XKR4: variants seen among roughly 807,000 people sequenced by gnomAD.
XKR4 encodes the protein XK related 4.
In XKR4, 12 loss-of-function variants were observed where a neutral mutation model predicts 53.9. That is an observed-to-expected ratio of 0.22 (90% CI 0.14 to 0.36). XKR4 has a LOEUF of 0.36. Among genes scored for constraint, XKR4 ranks in the 10% least tolerant of loss-of-function variants. The probability of loss-of-function intolerance (pLI) is 1.00; values close to 1 mark genes in which losing one functional copy is unlikely to be tolerated. For synonymous variants in XKR4, 354 were observed against 362.4 expected (o/e 0.98, Z 0.26); for missense variants, 799 against 859.5 (o/e 0.93, Z 0.88).
intron 2 of XKR4, among the ~76,000 whole-genome samples, chr8:55,413,201 A>G (rs896851971): frequency 6.6e-6 from 1 of 152,180 alleles, no homozygotes; most frequent in African/African-American, 2.4e-5. Context: ...TATTGATCCT[A>G]CGACAGACAT....
chr8:55,102,149 T>TGGCGGC lies in XKR4; in HGVS notation c.-330_-325dup, dbSNP rs989670686. On this transcript the variant is annotated 5_prime_UTR_variant, in exon 1 of 3. Coordinates refer to ENST00000327381, the MANE Select transcript of XKR4 (RefSeq NM_052898.2). The surrounding 1 kb of genome is among the most constrained non-coding windows in gnomAD (Gnocchi z 5.1). ...CGGCGGCCGCTGCTGCTCCTGCTGC[T>TGGCGGC]GGCGGCGGCGGCGGCTCGGGCGGCA... is the stretch of plus-strand genomic sequence containing the variant. 2.1e-5 allele frequency among the ~76,000 whole-genome samples: 3 copies of TGGCGGC among 145,482 alleles called. No homozygotes were observed. Among genetic ancestry groups the TGGCGGC allele is most frequent in the Admixed American group, 6.8e-5 (1 of 14,614 alleles).
At chr8:55,488,640 A>G (rs1806227526) in intron 2 of XKR4, among the ~76,000 whole-genome samples, 1 of 152,020 alleles carries the variant, frequency 6.6e-6, no homozygotes, top group African/African-American at 2.4e-5. Context: ...GAATGGAGAG[A>G]ATAAAAAGAC....
At chr8:55,490,491 G>T (rs540048205) in intron 2 of XKR4, among the ~76,000 whole-genome samples, 1 of 152,210 alleles carries the variant, frequency 6.6e-6, no homozygotes, top group African/African-American at 2.4e-5. Context: ...AGGATCAATT[G>T]TACCCCGAAA....
chr8:55,275,630 G>T (rs540930948), intron 1 of XKR4, among the ~76,000 whole-genome samples: 10 of 152,100 alleles, frequency 6.6e-5, no homozygotes, highest in Non-Finnish European at 1.3e-4. Context: ...CTGCAACATT[G>T]ATATTTTGCC....
At chr8:55,114,747 G>A (rs1048248609) in intron 1 of XKR4, among the ~76,000 whole-genome samples, 2 of 152,242 alleles carry the variant, frequency 1.3e-5, no homozygotes, top group Admixed American at 6.5e-5. Flanking sequence ...ACTCAGGGAC[G>A]TCAACTGCCT....
intron 1 of XKR4, among the ~76,000 whole-genome samples, chr8:55,111,930 A>G (rs1021650010): frequency 6.6e-6 from 1 of 152,332 alleles, no homozygotes; most frequent in Admixed American, 6.5e-5. Context: ...AAACAAAGAT[A>G]TGACATCCAG....
chr8:55,305,197 G>A (rs1297368538), intron 1 of XKR4, among the ~76,000 whole-genome samples: 1 of 152,102 alleles, frequency 6.6e-6, no homozygotes, highest in South Asian at 2.1e-4. Flanking sequence ...TCAATTCCTT[G>A]CAACACTACA....
intron 2 of XKR4, among the ~76,000 whole-genome samples, chr8:55,388,041 T>C (rs563243035): frequency 1.3e-5 from 2 of 152,330 alleles, no homozygotes; most frequent in East Asian, 3.9e-4. Context: ...TAACAGTAAT[T>C]TTTTAAAAAA....
At chr8:55,129,419 GTTACAGTTACATTTCAGTT>G (rs980284995) in intron 1 of XKR4, among the ~76,000 whole-genome samples, 1 of 152,194 alleles carries the variant, frequency 6.6e-6, no homozygotes, top group African/African-American at 2.4e-5. Context: ...GAGAGGTGGG[GTTACAGTTACATTTCAGTT>G]TTACAAACCA....
At chr8:55,407,317 C>T (rs1021086790) in intron 2 of XKR4, among the ~76,000 whole-genome samples, 1 of 152,188 alleles carries the variant, frequency 6.6e-6, no homozygotes, top group Non-Finnish European at 1.5e-5. Flanking sequence ...CGCACTGCTT[C>T]CCAGGAATCA....
chr8:55,109,272 A>G (rs1372130349), intron 1 of XKR4, among the ~76,000 whole-genome samples: 1 of 152,178 alleles, frequency 6.6e-6, no homozygotes, highest in African/African-American at 2.4e-5. Context: ...GTACCAGAAG[A>G]TCATCTTCCA....
intron 1 of XKR4, among the ~76,000 whole-genome samples, chr8:55,235,012 A>C (rs977679680): frequency 1.3e-5 from 2 of 152,234 alleles, no homozygotes; most frequent in Non-Finnish European, 2.9e-5. Flanking sequence ...GCTTGAAACA[A>C]TAACAACTTA....
intron 2 of XKR4, among the ~76,000 whole-genome samples, chr8:55,434,791 CA>C (rs954039376): frequency 2.0e-5 from 3 of 152,148 alleles, no homozygotes; most frequent in Non-Finnish European, 2.9e-5. Context: ...CAATTTACTT[CA>C]GAGCTCCTTC....
chr8:55,480,902 T>C (rs1806091004), intron 2 of XKR4, among the ~76,000 whole-genome samples: 1 of 152,008 alleles, frequency 6.6e-6, no homozygotes, highest in Non-Finnish European at 1.5e-5. Flanking sequence ...TAAAAGAGGA[T>C]ACAAAGAAAT....
chr8:55,270,008 T>A (rs189249359), intron 1 of XKR4, among the ~76,000 whole-genome samples: 1 of 152,336 alleles, frequency 6.6e-6, no homozygotes, highest in Admixed American at 6.5e-5. Context: ...GGCATTGCTG[T>A]CAAAATCCTT....
At chr8:55,244,047 T>C (rs1818249119) in intron 1 of XKR4, among the ~76,000 whole-genome samples, 1 of 152,246 alleles carries the variant, frequency 6.6e-6, no homozygotes. Context: ...TTTTTCTTCT[T>C]TGAGTATTTT....
At chr8:55,188,795 C>T (rs1817409795) in intron 1 of XKR4, among the ~76,000 whole-genome samples, 1 of 152,142 alleles carries the variant, frequency 6.6e-6, no homozygotes, top group African/African-American at 2.4e-5. Flanking sequence ...CCTCAGTTCC[C>T]CCATCTATAA....
At chr8:55,460,138 C>A (rs899324688) in intron 2 of XKR4, among the ~76,000 whole-genome samples, 1 of 151,608 alleles carries the variant, frequency 6.6e-6, no homozygotes, top group Admixed American at 6.6e-5. Context: ...ATAAAATGAA[C>A]CTCAAAAATC....
At chr8:55,242,588 A>T in intron 1 of XKR4, among the ~76,000 whole-genome samples, 2 of 152,360 alleles carry the variant, frequency 1.3e-5, no homozygotes, top group Non-Finnish European at 2.9e-5. Flanking sequence ...TGCAAACAGA[A>T]TAATTGATGA....
Sources: gnomAD v4.1 joint callset for allele counts (sites outside exome capture counted in the v4.1 genomes callset) on GRCh38, gnomAD v4.1.1 for gene constraint, Gnocchi (gnomAD v3.1) non-coding constraint, MANE v1.5 for transcripts, NCBI Gene and HGNC (gene_info 2026-07-23, HGNC 2026-07-21) for gene names.